The following CNTN4 variants were observed in gnomAD, a reference collection of about 807,000 sequenced individuals.
CNTN4 encodes the protein contactin-4.
In CNTN4, 77 loss-of-function variants were observed where a neutral mutation model predicts 122.5. The ratio of observed to expected loss-of-function variants is 0.63; its 90% confidence interval spans 0.52 to 0.76. The LOEUF (loss-of-function observed/expected upper bound fraction) is 0.76, where lower values mean the gene tolerates loss of function less well. Ranked by LOEUF, CNTN4 falls within the 30% of genes least tolerant of loss-of-function variation. CNTN4 has a pLI of 0.00. For synonymous variants in CNTN4, 512 were observed against 447.0 expected (o/e 1.15, Z -1.83); for missense variants, 1,256 against 1,259.1 (o/e 1.00, Z 0.04).
chr3:2,660,936 C>T (rs1423969589), intron 4 of CNTN4, among the ~76,000 whole-genome samples: 1 of 152,236 alleles, frequency 6.6e-6, no homozygotes, highest in Non-Finnish European at 1.5e-5. Flanking sequence ...GTCATCACAA[C>T]TAGGCACCCC....
chr3:2,969,519 T>TATG (rs1553710727), intron 13 of CNTN4, among the ~76,000 whole-genome samples: 1 of 151,358 alleles, frequency 6.6e-6, no homozygotes, highest in African/African-American at 2.4e-5. Flanking sequence ...AAATTGGGAT[T>TATG]ATTATTATTA....
intron 4 of CNTN4, among the ~76,000 whole-genome samples, chr3:2,635,329 ATTTTCTCTTCAT>A (rs1299606835): frequency 1.3e-5 from 2 of 152,116 alleles, no homozygotes; most frequent in Non-Finnish European, 2.9e-5. Context: ...AAATGAAAAT[ATTTTCTCTTCAT>A]TTTTCTGGTT....
rs1172176471 is a variant in CNTN4, at chr3:2,532,860, C to T, written c.-88-38556C>T. Among the ~76,000 whole-genome samples, 3 of 151,930 alleles carry T rather than the reference C, an allele frequency of 2.0e-5. No individual in the cohort carries two copies. In the East Asian group the frequency reaches 5.8e-4, roughly 29 times the overall value. On this transcript the variant is annotated intron_variant, in intron 3 of 24. Transcript: ENST00000418658. ...AATATTTACATAAATAGACATATAT[C>T]CATGCTTGGGAGGCAGGGTGGGAAA...
In CNTN4 at chr3:3,009,655, G is replaced by C. The variant is rs543802205; in HGVS notation, c.1487-16447G>C. Among the ~76,000 whole-genome samples the C allele has an allele frequency of 4.2e-3, 642 of 152,058 alleles. 6 individuals carry two copies. Among genetic ancestry groups the C allele is most frequent in the African/African-American group, 0.014 (593 of 41,486 alleles). ...TCACCGTGTTAGCCAGGATGGTCTCGATCTCCTGACCTCGTGATCTGCCCT... is the reference window on the plus strand; with the variant it reads ...TCACCGTGTTAGCCAGGATGGTCTCCATCTCCTGACCTCGTGATCTGCCCT... On this transcript the variant is annotated intron_variant, in intron 14 of 24. Transcript: ENST00000418658.
intron 12 of CNTN4, 37 bp downstream of exon 12, chr3:2,903,042 C>T: frequency 6.3e-7 from 1 of 1,595,676 alleles, no homozygotes; most frequent in Non-Finnish European, 8.6e-7. Flanking sequence ...AAAATTAAAA[C>T]TCTTTAGATC....
At chr3:2,460,963 C>T (rs9837145) in intron 3 of CNTN4, among the ~76,000 whole-genome samples, 72,077 of 151,422 alleles carry the variant, frequency 0.48, 17,964 homozygotes, top group East Asian at 0.76. Context: ...CTTTATGGCC[C>T]CTTACTAGGA....
chr3:2,512,020 GA>G (rs1184784484), intron 3 of CNTN4, among the ~76,000 whole-genome samples: 1 of 152,096 alleles, frequency 6.6e-6, no homozygotes, highest in Non-Finnish European at 1.5e-5. Flanking sequence ...GCCATTGCAA[GA>G]AAAATGTAAG....
chr3:3,055,688 C>T (rs1574955631), intron 24 of CNTN4, among the ~76,000 whole-genome samples: 1 of 152,142 alleles, frequency 6.6e-6, no homozygotes, highest in East Asian at 1.9e-4. Flanking sequence ...CGCAAATTAC[C>T]GCCATCTGTT....
At chr3:2,686,064 A>G (rs2085416129) in intron 4 of CNTN4, among the ~76,000 whole-genome samples, 1 of 152,210 alleles carries the variant, frequency 6.6e-6, no homozygotes, top group Admixed American at 6.5e-5. Flanking sequence ...TACATCCTGT[A>G]CAGAAAACTA....
intron 3 of CNTN4, among the ~76,000 whole-genome samples, chr3:2,343,760 A>G (rs2044294280): frequency 6.6e-6 from 1 of 152,188 alleles, no homozygotes; most frequent in Non-Finnish European, 1.5e-5. Flanking sequence ...CAACATAGCT[A>G]TGGTGACATT....
At chr3:2,264,831 G>T (rs1312139267) in intron 2 of CNTN4, among the ~76,000 whole-genome samples, 1 of 151,934 alleles carries the variant, frequency 6.6e-6, no homozygotes, top group East Asian at 1.9e-4. Context: ...TCATTCTCCT[G>T]TATATAGTTT....
chr3:2,670,921 C>T (rs1206484392), intron 4 of CNTN4, among the ~76,000 whole-genome samples: 4 of 152,086 alleles, frequency 2.6e-5, no homozygotes, highest in Non-Finnish European at 5.9e-5. Flanking sequence ...GAATATTGGC[C>T]CCCCACTCTC....
At chr3:2,283,122 G>A (rs545180224) in intron 2 of CNTN4, among the ~76,000 whole-genome samples, 2 of 152,190 alleles carry the variant, frequency 1.3e-5, no homozygotes, top group African/African-American at 2.4e-5. Context: ...CTTTAAAAAG[G>A]TTAAATGGTA....
At chr3:2,907,865 T>TCAGCA (rs1451675906) in intron 12 of CNTN4, among the ~76,000 whole-genome samples, 1 of 152,254 alleles carries the variant, frequency 6.6e-6, no homozygotes, top group Admixed American at 6.5e-5. Flanking sequence ...GGTGATTTAC[T>TCAGCA]CACTGGATGG....
chr3:2,185,154 G>C (rs2037190831), intron 2 of CNTN4, among the ~76,000 whole-genome samples: 1 of 152,110 alleles, frequency 6.6e-6, no homozygotes, highest in Non-Finnish European at 1.5e-5. Flanking sequence ...GCATTCTGCA[G>C]GGCACCTTGC....
chr3:2,686,745 G>A (rs1483465900), intron 4 of CNTN4, among the ~76,000 whole-genome samples: 2 of 152,090 alleles, frequency 1.3e-5, no homozygotes, highest in Non-Finnish European at 2.9e-5. Flanking sequence ...TCTAAGTCCT[G>A]TGCTCTGAGC....
chr3:2,681,644 C>T (rs1442852002), intron 4 of CNTN4, among the ~76,000 whole-genome samples: 1 of 152,002 alleles, frequency 6.6e-6, no homozygotes, highest in Non-Finnish European at 1.5e-5. Context: ...TATGTATACA[C>T]ATGTATGTAT....
chr3:2,567,150 G>A (rs1166491073), intron 3 of CNTN4, among the ~76,000 whole-genome samples: 3 of 145,946 alleles, frequency 2.1e-5, no homozygotes, highest in East Asian at 2.1e-4. Context: ...AGTGATGCAC[G>A]ATCTCGGCTC....
At chr3:2,211,618 C>T (rs1003163095) in intron 2 of CNTN4, among the ~76,000 whole-genome samples, 2 of 152,120 alleles carry the variant, frequency 1.3e-5, no homozygotes, top group Non-Finnish European at 2.9e-5. Context: ...GTACCAACTA[C>T]TAATGAGGAA....
Sources: allele counts gnomAD v4.1 joint callset (sites outside exome capture counted in the v4.1 genomes callset), GRCh38; gene constraint gnomAD v4.1.1; transcripts MANE v1.5; gene names NCBI Gene and HGNC (gene_info 2026-07-23, HGNC 2026-07-21).